The following ROR1 variants were observed in gnomAD, a reference collection of about 807,000 sequenced individuals.
The protein encoded by ROR1 is ROR family WNT receptor 1, also known as inactive tyrosine-protein kinase transmembrane receptor ROR1.
A neutral mutation model predicts 78.8 loss-of-function variants in ROR1; 19 were observed. The ratio of observed to expected loss-of-function variants is 0.24; its 90% CI spans 0.17 to 0.35. The LOEUF (loss-of-function observed/expected upper bound fraction) is 0.35. ROR1 is among the 10% of genes least tolerant of loss of function. The pLI is 1.00. For synonymous variants in ROR1, 386 were observed against 433.6 expected (o/e 0.89, Z 1.36); for missense variants, 917 against 1,177.8 (o/e 0.78, Z 3.24).
chr1:64,160,883 T>C (rs185156935), intron 8 of ROR1, among the ~76,000 whole-genome samples: 3 of 152,250 alleles, frequency 2.0e-5, no homozygotes, highest in Non-Finnish European at 4.4e-5. Flanking sequence ...GGCAGTTTGG[T>C]GCAGTAGCCA....
chr1:64,025,616 T>TAC lies in ROR1; in HGVS notation c.163+16246_163+16247dup, dbSNP rs1382675143. On this transcript the variant is annotated intron_variant, in intron 2 of 8. Coordinates refer to ENST00000371079, the MANE Select transcript of ROR1 (RefSeq NM_005012.4). ...ATATATGTATATATACATACACATA[T>TAC]ACACACATATGTACATATATATATA... is the stretch of plus-strand genomic sequence containing the variant. Among the ~76,000 whole-genome samples the TAC allele has an allele frequency of 2.2e-4, 33 of 151,260 alleles. 2 individuals are homozygous for TAC. The highest frequency in any genetic ancestry group is 1.1e-3 in the Admixed American group (17 of 15,220).
intron 1 of ROR1, among the ~76,000 whole-genome samples, chr1:63,847,065 C>G (rs1203381035): frequency 1.3e-5 from 2 of 152,176 alleles, no homozygotes; most frequent in African/African-American, 2.4e-5. Flanking sequence ...AGGTCTTCTT[C>G]CACCTGACAG....
chr1:64,137,512 G>A lies in ROR1; in HGVS notation c.610+16G>A, dbSNP rs145211481. ...CAGATCACAGGTAGGTAGCACCAATGAAATTATATTTGTCCCTTGAATAAC... is the reference window on the plus strand; with the variant it reads ...CAGATCACAGGTAGGTAGCACCAATAAAATTATATTTGTCCCTTGAATAAC... On this transcript the variant is annotated intron_variant, in intron 5 of 8. Coordinates refer to ENST00000371079, the MANE Select transcript of ROR1 (RefSeq NM_005012.4). The A allele has an allele frequency of 6.2e-7, 1 of 1,605,504 alleles. No individual in the cohort carries two copies. Among genetic ancestry groups the A allele is most frequent in the African/African-American group, 1.3e-5 (1 of 74,532 alleles).
At chr1:63,889,423 A>T (rs1645379224) in intron 1 of ROR1, among the ~76,000 whole-genome samples, 1 of 152,166 alleles carries the variant, frequency 6.6e-6, no homozygotes, top group Non-Finnish European at 1.5e-5. Flanking sequence ...TCCCAAAGTC[A>T]TCTACCCAGG....
intron 7 of ROR1, among the ~76,000 whole-genome samples, chr1:64,144,031 C>G (rs190815672): frequency 2.0e-3 from 308 of 152,172 alleles, no homozygotes; most frequent in Non-Finnish European, 3.3e-3. Context: ...GATAAAGTGG[C>G]CTTGACAGGA....
intron 1 of ROR1, among the ~76,000 whole-genome samples, chr1:63,974,790 C>T (rs1646145525): frequency 6.6e-6 from 1 of 152,080 alleles, no homozygotes; most frequent in African/African-American, 2.4e-5. Flanking sequence ...TAGGTGCACA[C>T]CATCACCACC....
In ROR1 at chr1:63,774,376, G is replaced by C. The variant is rs1414491034; in HGVS notation, c.-42G>C. On this transcript the variant is annotated 5_prime_UTR_variant, in exon 1 of 9. Transcript: ENST00000371079. This position sits in a 1 kb window ranked among gnomAD's most constrained non-coding sequence, Gnocchi z 5.7. Reference sequence around the variant, plus strand: ...AAGAGCCCGTGGATGTTCTGCGCGCGGCCTGGGAGCCGCCGCCGCCGCCGC... The same window carrying C: ...AAGAGCCCGTGGATGTTCTGCGCGCCGCCTGGGAGCCGCCGCCGCCGCCGC... 8.1e-7 allele frequency: 1 copy of C among 1,233,410 alleles called. No individual in the cohort carries two copies. Among genetic ancestry groups the C allele is most frequent in the Non-Finnish European group, 1.0e-6 (1 of 961,412 alleles). The allele number at this position is 1,233,410 out of a possible 1,614,324, so 76.4% of individuals were successfully genotyped here. A position where few individuals can be genotyped will look rare whatever the true frequency, so the allele number is the denominator to read the frequency against.
chr1:63,800,021 C>T (rs1644785961), intron 1 of ROR1, among the ~76,000 whole-genome samples: 1 of 152,238 alleles, frequency 6.6e-6, no homozygotes, highest in African/African-American at 2.4e-5. Flanking sequence ...TAACATTTCC[C>T]CTAGTAACGA....
chr1:63,817,017 A>G (rs2100278776), intron 1 of ROR1, among the ~76,000 whole-genome samples: 1 of 152,362 alleles, frequency 6.6e-6, no homozygotes, highest in Middle Eastern at 3.4e-3. Flanking sequence ...CTTAACAAAG[A>G]GAAAGCTCTA....
intron 2 of ROR1, among the ~76,000 whole-genome samples, chr1:64,028,152 A>G (rs1357080938): frequency 1.3e-5 from 2 of 152,130 alleles, no homozygotes; most frequent in Admixed American, 1.3e-4. Context: ...CTTTTCACTG[A>G]TTTCAGCATC....
chr1:63,833,978 TTTC>T (rs1377431247), intron 1 of ROR1, among the ~76,000 whole-genome samples: 28 of 149,724 alleles, frequency 1.9e-4, no homozygotes, highest in African/African-American at 4.2e-4. Flanking sequence ...TTTTTTGACT[TTTC>T]TTCTTCTTCT....
At chr1:64,115,798 G>A (rs1273195479) in intron 4 of ROR1, among the ~76,000 whole-genome samples, 2 of 152,066 alleles carry the variant, frequency 1.3e-5, no homozygotes, top group African/African-American at 4.8e-5. Flanking sequence ...TGAACTTGGG[G>A]AAATTGCTTC....
At chr1:63,797,857 C>CTTT (rs57125292) in intron 1 of ROR1, among the ~76,000 whole-genome samples, 2 of 140,030 alleles carry the variant, frequency 1.4e-5, no homozygotes, top group Non-Finnish European at 3.1e-5. Context: ...GTAGTCTTGT[C>CTTT]TTTTTTTTTT....
intron 2 of ROR1, among the ~76,000 whole-genome samples, chr1:64,013,709 A>G (rs1646495412): frequency 6.6e-6 from 1 of 152,208 alleles, no homozygotes; most frequent in Non-Finnish European, 1.5e-5. Context: ...CCCTTTGACC[A>G]TGACATCAAC....
At chr1:64,066,278 T>C (rs1646955247) in intron 4 of ROR1, among the ~76,000 whole-genome samples, 1 of 151,956 alleles carries the variant, frequency 6.6e-6, no homozygotes, top group South Asian at 2.1e-4. Context: ...TGCTGTCCAC[T>C]AGAAACATCA....
At chr1:64,016,274 GA>G (rs1646520222) in intron 2 of ROR1, among the ~76,000 whole-genome samples, 2 of 152,126 alleles carry the variant, frequency 1.3e-5, no homozygotes, top group South Asian at 4.1e-4. Flanking sequence ...TTGAGAATGT[GA>G]AATGTGGACA....
intron 1 of ROR1, among the ~76,000 whole-genome samples, chr1:63,887,884 C>T (rs1439011357): frequency 6.6e-6 from 1 of 152,152 alleles, no homozygotes; most frequent in Non-Finnish European, 1.5e-5. Flanking sequence ...CTCTTCTGAA[C>T]ATTTTACTTC....
intron 1 of ROR1, chr1:63,788,859 C>T: frequency 2.6e-6 from 2 of 766,426 alleles, no homozygotes; most frequent in Non-Finnish European, 4.5e-6. Context: ...TCATGCGAGC[C>T]TTATCTGCCT....
intron 1 of ROR1, among the ~76,000 whole-genome samples, chr1:63,925,985 G>T (rs967302200): frequency 6.0e-5 from 9 of 150,856 alleles, no homozygotes; most frequent in African/African-American, 1.5e-4. Context: ...TCTGATGGCA[G>T]TTTCTTTTGC....
Sources: gnomAD v4.1 joint callset for allele counts (sites outside exome capture counted in the v4.1 genomes callset) on GRCh38, gnomAD v4.1.1 for gene constraint, Gnocchi (gnomAD v3.1) non-coding constraint, MANE v1.5 for transcripts, NCBI Gene and HGNC (gene_info 2026-07-23, HGNC 2026-07-21) for gene names.